Variants in CABIN1 observed in about 807,000 individuals in gnomAD.
The protein encoded by CABIN1 is calcineurin binding protein 1, also known as calcineurin-binding protein cabin-1.
A neutral mutation model predicts 227.7 loss-of-function variants in CABIN1; 133 were observed. That is an observed-to-expected ratio of 0.58 (90% CI 0.51 to 0.67). The LOEUF is 0.67. Ranked by LOEUF, CABIN1 falls within the 30% of genes least tolerant of loss-of-function variation. The probability of loss-of-function intolerance (pLI) is 0.00; values close to 1 mark genes in which losing one functional copy is unlikely to be tolerated. For synonymous variants in CABIN1, 1,086 were observed against 1,155.1 expected (o/e 0.94, Z 1.21); for missense variants, 2,408 against 2,852.5 (o/e 0.84, Z 3.55).
chr22:24,020,434 C>T (rs1353853929), intron 1 of CABIN1, among the ~76,000 whole-genome samples: 1 of 151,910 alleles, frequency 6.6e-6, no homozygotes, highest in Admixed American at 6.6e-5. Flanking sequence ...TGATCCTCCT[C>T]CGTCAGCCTC....
At chr22:24,111,177 G>A (rs1421309975) in intron 26 of CABIN1, among the ~76,000 whole-genome samples, 1 of 152,174 alleles carries the variant, frequency 6.6e-6, no homozygotes, top group Non-Finnish European at 1.5e-5. Flanking sequence ...AGTCAGAAAT[G>A]CATTTAATAT....
chr22:24,143,579 C>T (rs560914966), intron 29 of CABIN1, among the ~76,000 whole-genome samples: 3 of 152,318 alleles, frequency 2.0e-5, no homozygotes, highest in Admixed American at 6.5e-5. Flanking sequence ...GGATGCTACC[C>T]TGCCTGCAGT....
At chr22:24,134,711 C>T (rs942673875) in intron 29 of CABIN1, among the ~76,000 whole-genome samples, 1 of 152,222 alleles carries the variant, frequency 6.6e-6, no homozygotes, top group Admixed American at 6.5e-5. Flanking sequence ...GACAGGGGTA[C>T]AGGCCCAGGT....
chr22:24,041,104 G>A (rs2037333749), intron 4 of CABIN1, 35 bp from the exon 5 acceptor site: 2 of 1,613,946 alleles, frequency 1.2e-6, no homozygotes, highest in African/African-American at 1.3e-5. Context: ...AGGCTTCAAG[G>A]TCTAGTTGTC....
chr22:24,049,876 G>T (rs892769158), intron 7 of CABIN1, among the ~76,000 whole-genome samples: 1 of 151,996 alleles, frequency 6.6e-6, no homozygotes, highest in African/African-American at 2.4e-5. Context: ...CCTTTGCCAG[G>T]TGTCTTCCCA....
intron 1 of CABIN1, among the ~76,000 whole-genome samples, chr22:24,014,185 A>G (rs1391803711): frequency 1.3e-5 from 2 of 152,134 alleles, no homozygotes; most frequent in Admixed American, 6.5e-5. Context: ...AAAGGTAATT[A>G]TTTCTCTCTT....
At chr22:24,175,861 G>T (rs2047074104) in intron 34 of CABIN1, 11 of 601,054 alleles carry the variant, frequency 1.8e-5, no homozygotes, top group Non-Finnish European at 3.3e-5. Context: ...TGGGTCAGGT[G>T]TATAGCCCTC....
At chr22:24,160,728 C>G (rs945106562) in intron 29 of CABIN1, among the ~76,000 whole-genome samples, 9 of 152,216 alleles carry the variant, frequency 5.9e-5, no homozygotes, top group African/African-American at 1.9e-4. Flanking sequence ...GCCTGTTGGC[C>G]GGGAATAGCA....
intron 4 of CABIN1, among the ~76,000 whole-genome samples, chr22:24,039,330 G>A (rs1345460575): frequency 1.3e-5 from 2 of 152,128 alleles, no homozygotes; most frequent in Non-Finnish European, 2.9e-5. Context: ...GGTTTTTGCT[G>A]CCGATGAGAT....
At chr22:24,049,327 T>C in intron 7 of CABIN1, 107 bp downstream of exon 7, 5 of 1,367,766 alleles carry the variant, frequency 3.7e-6, no homozygotes, top group Non-Finnish European at 5.1e-6. Context: ...GGAGCCCCTG[T>C]GCTCTGGGGC....
intron 6 of CABIN1, among the ~76,000 whole-genome samples, chr22:24,044,157 C>G (rs2037658195): frequency 6.6e-6 from 1 of 152,202 alleles, no homozygotes; most frequent in African/African-American, 2.4e-5. Context: ...TTGAGACATC[C>G]TGGCCTATGC....
intron 28 of CABIN1, among the ~76,000 whole-genome samples, chr22:24,123,863 C>T (rs964718782): frequency 1.3e-5 from 2 of 152,380 alleles, no homozygotes; most frequent in Admixed American, 1.3e-4. Flanking sequence ...GTTGCCATCT[C>T]ACAGCTCACT....
At position 24,084,837 on chromosome 22, in the gene CABIN1, C is replaced by T. The variant is rs764332090; in HGVS notation, c.3117+52C>T. The T allele has an allele frequency of 2.3e-5, 37 of 1,580,886 alleles. 1 individual carries two copies. Among genetic ancestry groups the T allele is most frequent in the East Asian group, 1.1e-4 (5 of 44,694 alleles). On this transcript the variant is annotated intron_variant, in intron 21 of 36. Transcript: ENST00000263119. ...GGGACAGGGCTGGGTCACACTCTTC[C>T]GCTCTGCCACTGCTGTATATGCTCC...
At chr22:24,025,456 C>T (rs1292257444) in intron 1 of CABIN1, among the ~76,000 whole-genome samples, 2 of 152,160 alleles carry the variant, frequency 1.3e-5, no homozygotes, top group Non-Finnish European at 2.9e-5. Context: ...ATCTGCCAGA[C>T]CAACCAAAGT....
chr22:24,070,065 CAAAA>C (rs66725021), intron 16 of CABIN1, among the ~76,000 whole-genome samples: 2 of 115,382 alleles, frequency 1.7e-5, no homozygotes, highest in Non-Finnish European at 1.9e-5. Context: ...TATTCTAGGC[CAAAA>C]AAAAAAAAAA....
chr22:24,152,678 G>A (rs975751991), intron 29 of CABIN1, among the ~76,000 whole-genome samples: 2 of 152,090 alleles, frequency 1.3e-5, no homozygotes, highest in East Asian at 1.9e-4. Context: ...GGCCAGGCAC[G>A]GTGGCTCACG....
chr22:24,017,006 A>G (rs150270686), intron 1 of CABIN1, among the ~76,000 whole-genome samples: 25 of 149,756 alleles, frequency 1.7e-4, no homozygotes, highest in African/African-American at 5.9e-4. Flanking sequence ...TTTAAAAAAA[A>G]TTGTGATAAA....
intron 6 of CABIN1, among the ~76,000 whole-genome samples, chr22:24,047,224 A>G (rs1158738898): frequency 6.6e-6 from 1 of 152,218 alleles, no homozygotes; most frequent in Non-Finnish European, 1.5e-5. Context: ...CAGTCATTTA[A>G]AACAAAAAAT....
chr22:24,119,367 G>GA lies in CABIN1; in HGVS notation c.4307dup (p.Asn1436LysfsTer67). The GA allele has an allele frequency of 1.2e-6, 2 of 1,611,980 alleles. No individual in the cohort carries two copies. Among genetic ancestry groups the GA allele is most frequent in the Non-Finnish European group, 1.7e-6 (2 of 1,179,928 alleles). On this transcript the variant is annotated frameshift_variant and splice_region_variant, in exon 28 of 37. Coordinates refer to ENST00000263119, the MANE Select transcript of CABIN1 (RefSeq NM_012295.4). LOFTEE classifies it high-confidence loss of function. ...TTCTTTCCCTTCTTCTCAACTGTAG[G>GA]AAAAAACGAGGAGTCATTGGAGAGT...
Sources: allele counts gnomAD v4.1 joint callset (sites outside exome capture counted in the v4.1 genomes callset), GRCh38; gene constraint gnomAD v4.1.1; transcripts MANE v1.5; gene names NCBI Gene and HGNC (gene_info 2026-07-23, HGNC 2026-07-21).